The following BMPER variants were observed in gnomAD, a reference collection of about 807,000 sequenced individuals.
BMPER encodes BMP-binding endothelial regulator protein.
Under a neutral mutation model 87.3 loss-of-function variants are expected in BMPER, and 45 were observed. The ratio of observed to expected loss-of-function variants is 0.52; its 90% CI spans 0.41 to 0.66. The LOEUF is 0.66. Ranked by LOEUF, BMPER falls within the 30% of genes least tolerant of loss-of-function variation. The probability of loss-of-function intolerance (pLI) is 0.00; values close to 1 mark genes in which losing one functional copy is unlikely to be tolerated. For synonymous variants in BMPER, 326 were observed against 316.2 expected (o/e 1.03, Z -0.33); for missense variants, 784 against 867.5 (o/e 0.90, Z 1.21).
chr7:34,029,019 T>C (rs1787456445), intron 6 of BMPER, among the ~76,000 whole-genome samples: 2 of 152,064 alleles, frequency 1.3e-5, no homozygotes, highest in South Asian at 4.1e-4. Flanking sequence ...GAATATTAAA[T>C]GGACAATAAA....
At chr7:33,983,016 A>G (rs1015895259) in intron 6 of BMPER, among the ~76,000 whole-genome samples, 82 of 152,194 alleles carry the variant, frequency 5.4e-4, no homozygotes, top group African/African-American at 1.9e-3. Context: ...AAGAGCTTCA[A>G]ATCACATCTT....
chr7:33,988,230 G>A (rs1012089105), intron 6 of BMPER, among the ~76,000 whole-genome samples: 2 of 152,086 alleles, frequency 1.3e-5, no homozygotes, highest in African/African-American at 4.8e-5. Context: ...GAATGTGATT[G>A]GCAAATGCTA....
chr7:33,997,550 A>C (rs1395143203), intron 6 of BMPER, among the ~76,000 whole-genome samples: 1 of 152,128 alleles, frequency 6.6e-6, no homozygotes, highest in South Asian at 2.1e-4. Context: ...ATCTTCTGCC[A>C]TGATTGTAGG....
Position 34,136,345 on chromosome 7 carries a change from A to G in BMPER, c.1746-6885A>G, listed in dbSNP as rs569007246. ...TGAACGTGCCTGTATAGGGCTGAGGAAAAGAGCGTGATATTGGATGACATT... is the reference window on the plus strand; with the variant it reads ...TGAACGTGCCTGTATAGGGCTGAGGGAAAGAGCGTGATATTGGATGACATT... On this transcript the variant is annotated intron_variant, in intron 13 of 14. Transcript: ENST00000649409. Among the ~76,000 whole-genome samples the G allele has an allele frequency of 2.0e-5, 3 of 152,282 alleles. No homozygotes were observed. The East Asian group carries it at 5.8e-4, about 29-fold the overall frequency.
At chr7:34,069,871 T>C (rs1788692859) in intron 11 of BMPER, among the ~76,000 whole-genome samples, 1 of 152,182 alleles carries the variant, frequency 6.6e-6, no homozygotes, top group Non-Finnish European at 1.5e-5. Context: ...TGCATGGCCC[T>C]TTGATGTGAA....
At chr7:34,051,048 G>A (rs537649251) in intron 7 of BMPER, among the ~76,000 whole-genome samples, 2 of 152,262 alleles carry the variant, frequency 1.3e-5, no homozygotes, top group African/African-American at 4.8e-5. Flanking sequence ...CTTGGAGGCT[G>A]GGAAGTCCAA....
chr7:33,974,077 C>G (rs1365768534), intron 5 of BMPER, among the ~76,000 whole-genome samples: 1 of 152,156 alleles, frequency 6.6e-6, no homozygotes, highest in Non-Finnish European at 1.5e-5. Flanking sequence ...TTGTACCTGG[C>G]CCTCTGAACA....
intron 8 of BMPER, among the ~76,000 whole-genome samples, 184 bp downstream of exon 8, chr7:34,052,154 C>A (rs1007721635): frequency 6.6e-6 from 1 of 152,200 alleles, no homozygotes; most frequent in Non-Finnish European, 1.5e-5. Flanking sequence ...CACACTATAG[C>A]TCAATCATCT....
At chr7:34,056,062 G>A (rs1296584366) in intron 9 of BMPER, among the ~76,000 whole-genome samples, 2 of 152,242 alleles carry the variant, frequency 1.3e-5, no homozygotes, top group Non-Finnish European at 2.9e-5. Flanking sequence ...AGCTCTGCAG[G>A]CATGCTGCAC....
chr7:34,089,863 G>A (rs1044584800), intron 13 of BMPER, among the ~76,000 whole-genome samples: 1 of 152,146 alleles, frequency 6.6e-6, no homozygotes. Flanking sequence ...ACAGTCCAGT[G>A]TGTAAGTACT....
At chr7:34,006,807 G>A (rs1786746456) in intron 6 of BMPER, among the ~76,000 whole-genome samples, 3 of 152,056 alleles carry the variant, frequency 2.0e-5, no homozygotes, top group Non-Finnish European at 4.4e-5. Context: ...GCCATAGTTT[G>A]ATCTGTAGTG....
At chr7:33,967,117 T>C (rs540918120) in intron 4 of BMPER, among the ~76,000 whole-genome samples, 1 of 152,328 alleles carries the variant, frequency 6.6e-6, no homozygotes, top group South Asian at 2.1e-4. Flanking sequence ...TCCACATGGC[T>C]CTAACCCCAT....
At chr7:33,962,355 G>A (rs1785293525) in intron 3 of BMPER, among the ~76,000 whole-genome samples, 1 of 152,202 alleles carries the variant, frequency 6.6e-6, no homozygotes, top group Admixed American at 6.5e-5. Flanking sequence ...AAAGAAAAGT[G>A]TAGCTGGTTT....
At chr7:34,097,121 T>C (rs1375191193) in intron 13 of BMPER, among the ~76,000 whole-genome samples, 1 of 152,210 alleles carries the variant, frequency 6.6e-6, no homozygotes, top group Non-Finnish European at 1.5e-5. Context: ...GGGGCTGGCT[T>C]CCTGGAGGAG....
chr7:34,051,635 A>T (rs1226907292), intron 7 of BMPER, among the ~76,000 whole-genome samples: 1 of 152,164 alleles, frequency 6.6e-6, no homozygotes, highest in Non-Finnish European at 1.5e-5. Flanking sequence ...AGATTTGTTG[A>T]ACTTACAAGC....
intron 11 of BMPER, among the ~76,000 whole-genome samples, chr7:34,072,269 A>AGTT (rs1289218509): frequency 3.3e-5 from 5 of 152,148 alleles, no homozygotes; most frequent in Non-Finnish European, 5.9e-5. Context: ...TAAGTGTACT[A>AGTT]GTTACCTATG....
intron 13 of BMPER, among the ~76,000 whole-genome samples, chr7:34,119,550 G>A (rs1249515247): frequency 1.3e-5 from 2 of 152,146 alleles, no homozygotes; most frequent in Non-Finnish European, 2.9e-5. Context: ...ATGCACATGT[G>A]CTTTCTGATC....
intron 6 of BMPER, among the ~76,000 whole-genome samples, chr7:34,036,530 G>A (rs1787674748): frequency 1.3e-5 from 2 of 152,244 alleles, no homozygotes; most frequent in Middle Eastern, 3.4e-3. Flanking sequence ...CCCTGGAAGG[G>A]GAAAGACCTT....
chr7:33,963,290 G>C (rs1785316399), intron 3 of BMPER, among the ~76,000 whole-genome samples: 1 of 152,164 alleles, frequency 6.6e-6, no homozygotes, highest in Non-Finnish European at 1.5e-5. Context: ...ATGTGTCCCA[G>C]AATGTGGTCC....
Sources: gnomAD v4.1 joint callset for allele counts (sites outside exome capture counted in the v4.1 genomes callset) on GRCh38, gnomAD v4.1.1 for gene constraint, MANE v1.5 for transcripts, NCBI Gene and HGNC (gene_info 2026-07-23, HGNC 2026-07-21) for gene names.